UTY: variants seen among roughly 807,000 people sequenced by gnomAD.
The protein encoded by UTY is histone demethylase UTY.
A neutral mutation model predicts 32.5 loss-of-function variants in UTY; 12 were observed. The observed-to-expected ratio is 0.37, with a 90% CI of 0.24 to 0.60. UTY has a LOEUF of 0.60. UTY is among the 20% of genes least tolerant of loss of function. The pLI, the probability that UTY is intolerant of heterozygous loss-of-function variation, is 0.69. For synonymous variants in UTY, 131 were observed against 103.4 expected (o/e 1.27, Z -1.62); for missense variants, 303 against 299.2 (o/e 1.01, Z -0.09).
At chrY:13,327,268 T>C (rs573709010) in intron 18 of UTY, among the ~76,000 whole-genome samples, 99 of 33,787 alleles carry the variant, frequency 2.9e-3, no homozygotes, top group African/African-American at 0.01. Context: ...AAACTCTGTT[T>C]TGGAAAGTAA....
At chrY:13,334,072 T>A (rs2060880139) in intron 18 of UTY, among the ~76,000 whole-genome samples, 1 of 33,667 alleles carries the variant, frequency 3.0e-5, no homozygotes, top group Non-Finnish European at 7.4e-5. Context: ...TGCTATAAGA[T>A]TATGTGTATG....
chrY:13,428,518 G>A, intron 4 of UTY, among the ~76,000 whole-genome samples: 4 of 32,860 alleles, frequency 1.2e-4, no homozygotes, highest in South Asian at 1.3e-3. Flanking sequence ...TTTTATTCTC[G>A]GATTCTTGAT....
At chrY:13,262,267 G>A in intron 27 of UTY, among the ~76,000 whole-genome samples, 1 of 33,318 alleles carries the variant, frequency 3.0e-5, no homozygotes, top group Non-Finnish European at 7.4e-5. Context: ...TAACAGCTCA[G>A]TGCAAGAAGC....
intron 21 of UTY, among the ~76,000 whole-genome samples, chrY:13,318,296 A>G (rs2059624335): frequency 3.1e-5 from 1 of 31,884 alleles, no homozygotes; most frequent in African/African-American, 1.2e-4. Flanking sequence ...TTTTGGTAAG[A>G]AAGCTTAAAG....
intron 28 of UTY, among the ~76,000 whole-genome samples, chrY:13,253,828 C>T (rs1048409239): frequency 6.1e-5 from 2 of 32,999 alleles, no homozygotes; most frequent in Admixed American, 5.5e-4. Flanking sequence ...AATGCCCCGG[C>T]CCAACCTCAA....
At chrY:13,365,552 T>C in intron 10 of UTY, among the ~76,000 whole-genome samples, 1 of 32,346 alleles carries the variant, frequency 3.1e-5, no homozygotes, top group Non-Finnish European at 7.5e-5. Context: ...GCACATAATA[T>C]AATTATATTT....
At chrY:13,406,185 C>A (rs2069974677) in intron 6 of UTY, among the ~76,000 whole-genome samples, 1 of 32,477 alleles carries the variant, frequency 3.1e-5, no homozygotes, top group Non-Finnish European at 7.7e-5. Context: ...AGACAGTATC[C>A]TAAATATTGA....
chrY:13,367,146 A>T, intron 9 of UTY, among the ~76,000 whole-genome samples: 2 of 33,911 alleles, frequency 5.9e-5, no homozygotes, highest in African/African-American at 2.3e-4. Flanking sequence ...ACCCATTTAT[A>T]TTCTTTTTAA....
chrY:13,475,312 CAT>C (rs2078926388), intron 2 of UTY, among the ~76,000 whole-genome samples: 2 of 34,089 alleles, frequency 5.9e-5, no homozygotes, highest in East Asian at 1.5e-3. Context: ...ATAAGCCAAT[CAT>C]GTGAAGATTC....
chrY:13,251,977 G>C, intron 28 of UTY, among the ~76,000 whole-genome samples: 1 of 29,826 alleles, frequency 3.4e-5, no homozygotes, highest in African/African-American at 1.3e-4. Context: ...TCAGGAGATC[G>C]AGACCATCCC....
At chrY:13,244,314 AT>A (rs2053930525), downstream of UTY, among the ~76,000 whole-genome samples, 1 of 33,134 alleles carries the variant, frequency 3.0e-5, no homozygotes, top group Admixed American at 2.8e-4. Context: ...GATAAAATGT[AT>A]TATGTTTTAT....
At chrY:13,467,115 A>T in intron 3 of UTY, among the ~76,000 whole-genome samples, 1 of 33,590 alleles carries the variant, frequency 3.0e-5, no homozygotes, top group Non-Finnish European at 7.4e-5. Context: ...CCATTTTGGG[A>T]GGCTGGTCTT....
intron 18 of UTY, among the ~76,000 whole-genome samples, chrY:13,329,262 T>C (rs2060489799): frequency 3.0e-5 from 1 of 33,801 alleles, no homozygotes; most frequent in African/African-American, 1.1e-4. Context: ...TTTAATAAAA[T>C]GACCAAAGTA....
At chrY:13,289,130 CA>C (rs2057601973) in intron 27 of UTY, among the ~76,000 whole-genome samples, 2 of 33,700 alleles carry the variant, frequency 5.9e-5, no homozygotes, top group Admixed American at 2.7e-4. Context: ...CTTAGTTCAC[CA>C]AAATGCTTCA....
chrY:13,402,724 C>G (rs2069277926), intron 6 of UTY, among the ~76,000 whole-genome samples: 1 of 33,439 alleles, frequency 3.0e-5, no homozygotes, highest in Non-Finnish European at 7.4e-5. Context: ...CATTACGAAG[C>G]CTTTTCTGGA....
At chrY:13,309,434 C>A (rs908477711) in intron 21 of UTY, among the ~76,000 whole-genome samples, 1 of 32,906 alleles carries the variant, frequency 3.0e-5, no homozygotes, top group African/African-American at 1.2e-4. Context: ...ACTAAAAATA[C>A]AAAAAAGTTA....
intron 18 of UTY, among the ~76,000 whole-genome samples, chrY:13,328,335 G>GA (rs2060411996): frequency 6.0e-5 from 2 of 33,326 alleles, no homozygotes; most frequent in Non-Finnish European, 1.5e-4. Context: ...GTCTATAAAA[G>GA]AAAAAACAGT....
chrY:13,356,257 G>A, intron 15 of UTY, among the ~76,000 whole-genome samples: 2 of 32,150 alleles, frequency 6.2e-5, no homozygotes, highest in Non-Finnish European at 1.5e-4. Context: ...CTGGGATCAC[G>A]CCATTCTCCT....
chrY:13,348,109 A>G, intron 17 of UTY, among the ~76,000 whole-genome samples: 1 of 33,260 alleles, frequency 3.0e-5, no homozygotes, highest in African/African-American at 1.2e-4. Context: ...CTAATTCCCT[A>G]TTTTACCCAG....
Sources: gnomAD v4.1 joint callset for allele counts (sites outside exome capture counted in the v4.1 genomes callset) on GRCh38, gnomAD v4.1.1 for gene constraint, MANE v1.5 for transcripts, NCBI Gene and HGNC (gene_info 2026-07-23, HGNC 2026-07-21) for gene names.